Variants in PLEKHA8 observed in about 807,000 individuals in gnomAD.
PLEKHA8 encodes the protein pleckstrin homology domain-containing family A member 8.
In PLEKHA8, 36 loss-of-function variants were observed where a neutral mutation model predicts 68.2. The ratio of observed to expected loss-of-function variants is 0.53; its 90% confidence interval spans 0.40 to 0.70. PLEKHA8 has a LOEUF of 0.70. Among genes scored for constraint, PLEKHA8 ranks in the 30% least tolerant of loss-of-function variants. The probability of loss-of-function intolerance (pLI) is 0.00; values close to 1 mark genes in which losing one functional copy is unlikely to be tolerated. For missense variants in PLEKHA8, 505 were observed against 615.4 expected (o/e 0.82, Z 1.90); for synonymous variants, 211 against 216.1 (o/e 0.98, Z 0.20).
At position 30,080,123 on chromosome 7, in the gene PLEKHA8, A is replaced by G. The variant is rs890712978; in HGVS notation, c.*1336A>G. ...CAGAGCAGGCAAAATGCAGCTGTTT[A>G]TCAATCTCAAAAGCTTTGGGACAGT... On this transcript the variant is annotated 3_prime_UTR_variant, in exon 14 of 14. Coordinates refer to ENST00000449726, the MANE Select transcript of PLEKHA8 (RefSeq NM_001197026.2). 1.0e-6 allele frequency: 1 copy of G among 985,432 alleles called. No individual in the cohort carries two copies. 61.0% of individuals were successfully genotyped at this position (985,432 alleles called of 1,614,324 possible).
rs114733929 is a variant in PLEKHA8, at chr7:30,044,961, T to C, written c.41-124T>C. 9.7e-4 allele frequency: 543 copies of C among 557,870 alleles called. 3 individuals are homozygous for C. Among genetic ancestry groups the C allele is most frequent in the African/African-American group, 9.5e-3 (496 of 52,072 alleles). 34.6% of individuals were successfully genotyped at this position (557,870 alleles called of 1,614,324 possible). On this transcript the variant is annotated intron_variant, in intron 1 of 13. Coordinates refer to ENST00000449726, the MANE Select transcript of PLEKHA8 (RefSeq NM_001197026.2). ...TAACTTAATTCTTTCTCTTAGAATATCCCTGGCAATGTAAAGCTCCTTGGA... is the reference window on the plus strand; with the variant it reads ...TAACTTAATTCTTTCTCTTAGAATACCCCTGGCAATGTAAAGCTCCTTGGA...
intron 9 of PLEKHA8, among the ~76,000 whole-genome samples, chr7:30,058,224 T>C (rs965702141): frequency 2.0e-5 from 3 of 152,192 alleles, no homozygotes. Flanking sequence ...GACATGTGAA[T>C]ATTTTCCCCC....
At chr7:30,117,221 A>G (rs1248993527) in intron 13 of PLEKHA8, among the ~76,000 whole-genome samples, 1 of 152,162 alleles carries the variant, frequency 6.6e-6, no homozygotes, top group Non-Finnish European at 1.5e-5. Flanking sequence ...ATGCCATACA[A>G]TGAAATTATA....
intron 1 of PLEKHA8, among the ~76,000 whole-genome samples, chr7:30,030,087 A>G (rs1790542950): frequency 6.6e-6 from 1 of 152,212 alleles, no homozygotes; most frequent in South Asian, 2.1e-4. Flanking sequence ...TGGATGACAG[A>G]GGCTGATCAA....
At chr7:30,050,362 T>A (rs1792307104) in intron 5 of PLEKHA8, 72 bp from the exon 6 acceptor site, 6 of 1,497,190 alleles carry the variant, frequency 4.0e-6, no homozygotes, top group Non-Finnish European at 5.3e-6. Flanking sequence ...CCATTTTGTA[T>A]GTAATAAGAT....
chr7:30,062,141 G>T, intron 11 of PLEKHA8, 114 bp downstream of exon 11: 2 of 1,317,458 alleles, frequency 1.5e-6, no homozygotes, highest in South Asian at 1.6e-5. Flanking sequence ...GTTGAATTGT[G>T]TAGCCTTTTC....
chr7:30,107,072 T>C (rs1469668112), intron 13 of PLEKHA8, among the ~76,000 whole-genome samples: 3 of 152,174 alleles, frequency 2.0e-5, no homozygotes, highest in Non-Finnish European at 4.4e-5. Context: ...AGAAATACCT[T>C]ATTAGAATAT....
intron 13 of PLEKHA8, among the ~76,000 whole-genome samples, chr7:30,119,119 G>C (rs1413046212): frequency 6.6e-6 from 1 of 152,238 alleles, no homozygotes; most frequent in Non-Finnish European, 1.5e-5. Context: ...ATGGCTGTGA[G>C]CTGGGAGGGC....
chr7:30,080,878 A>G lies in PLEKHA8; in HGVS notation c.*2091A>G. 1 of 985,334 alleles carries G rather than the reference A, an allele frequency of 1.0e-6. No homozygotes were observed. Among genetic ancestry groups the G allele is most frequent in the Non-Finnish European group, 1.2e-6 (1 of 829,918 alleles). 61.0% of individuals were successfully genotyped at this position (985,334 alleles called of 1,614,324 possible). ...CAGTTTTTGCTTGTACTTTGAATGAAGATGTTTTAGGCATTGTACCATTTA... is the reference window on the plus strand; with the variant it reads ...CAGTTTTTGCTTGTACTTTGAATGAGGATGTTTTAGGCATTGTACCATTTA... On this transcript the variant is annotated 3_prime_UTR_variant, in exon 14 of 14. Transcript: ENST00000449726.
In PLEKHA8 at chr7:30,123,021, C is replaced by T. The variant is rs563863664; in HGVS notation, c.1363-6245C>T. On this transcript the variant is annotated intron_variant, in intron 13 of 13. Transcript: ENST00000396257. The stretch of plus-strand genomic sequence containing the variant: ...GGACTTTTATACAAAGGTCTCCTGA[C>T]TTTCCCCCCCCTAAGCTAGCTTGAA... 4.6e-5 allele frequency among the ~76,000 whole-genome samples: 7 copies of T among 152,212 alleles called. No homozygotes were observed. In the South Asian group the frequency reaches 1.5e-3, roughly 32 times the overall value.
At chr7:30,110,099 G>A (rs1796220132) in intron 13 of PLEKHA8, among the ~76,000 whole-genome samples, 1 of 152,106 alleles carries the variant, frequency 6.6e-6, no homozygotes, top group African/African-American at 2.4e-5. Context: ...ACAAGATTGT[G>A]TAGTCCTTAC....
In PLEKHA8 at chr7:30,115,693, C is replaced by T. The variant is rs758651836; in HGVS notation, c.1363-13573C>T. Among the ~76,000 whole-genome samples, 19 of 148,088 alleles carry T rather than the reference C, an allele frequency of 1.3e-4. 1 individual carries two copies. The highest frequency in any genetic ancestry group is 8.7e-4 in the Admixed American group (13 of 14,914). ...GTATACATACGCACATACATGCATA[C>T]ACGTATACATGTATACATACGCGCA... On this transcript the variant is annotated intron_variant, in intron 13 of 13. Coordinates refer to the PLEKHA8 transcript ENST00000396257.
intron 9 of PLEKHA8, among the ~76,000 whole-genome samples, chr7:30,056,312 C>CTATATATATATATA (rs1554385029): frequency 1.9e-4 from 18 of 94,544 alleles, no homozygotes; most frequent in Non-Finnish European, 2.7e-4. Context: ...CTCTCTCTCT[C>CTATATATATATATA]TATATATATA....
At chr7:30,106,163 A>G (rs1236934728) in intron 13 of PLEKHA8, among the ~76,000 whole-genome samples, 1 of 151,254 alleles carries the variant, frequency 6.6e-6, no homozygotes, top group Non-Finnish European at 1.5e-5. Context: ...GGTTTAAGAG[A>G]TTCTCCTGCC....
chr7:30,108,186 C>G (rs1393415928), intron 13 of PLEKHA8, among the ~76,000 whole-genome samples: 1 of 151,392 alleles, frequency 6.6e-6, no homozygotes, highest in Non-Finnish European at 1.5e-5. Flanking sequence ...ACCATCCTTG[C>G]ATTCCTAGGT....
chr7:30,103,592 G>T (rs1795947253), intron 13 of PLEKHA8, among the ~76,000 whole-genome samples: 1 of 152,200 alleles, frequency 6.6e-6, no homozygotes, highest in Non-Finnish European at 1.5e-5. Flanking sequence ...CATGGGACGA[G>T]AAAGTTCAGA....
At chr7:30,056,377 CATATAT>C (rs1426324825) in intron 9 of PLEKHA8, among the ~76,000 whole-genome samples, 1 of 92,704 alleles carries the variant, frequency 1.1e-5, no homozygotes, top group Non-Finnish European at 2.1e-5. Flanking sequence ...ATATAAATAA[CATATAT>C]ATAATATATA....
chr7:30,076,856 C>T (rs748199616), intron 13 of PLEKHA8, among the ~76,000 whole-genome samples: 5 of 152,114 alleles, frequency 3.3e-5, no homozygotes, highest in African/African-American at 1.2e-4. Flanking sequence ...TAACTAATCT[C>T]GGTTGCTGAG....
At chr7:30,033,988 A>G (rs1449789032) in intron 1 of PLEKHA8, among the ~76,000 whole-genome samples, 1 of 74,154 alleles carries the variant, frequency 1.3e-5, no homozygotes, top group Non-Finnish European at 3.0e-5. Context: ...TTATTTTTTC[A>G]TTACAGAGTT....
Sources: allele counts gnomAD v4.1 joint callset (sites outside exome capture counted in the v4.1 genomes callset), GRCh38; gene constraint gnomAD v4.1.1; transcripts MANE v1.5; gene names NCBI Gene and HGNC (gene_info 2026-07-23, HGNC 2026-07-21).